Variants in KIRREL3 observed in about 807,000 individuals in gnomAD.
The protein encoded by KIRREL3 is kirre like nephrin family adhesion molecule 3, also known as kin of IRRE-like protein 3.
In KIRREL3, 36 loss-of-function variants were observed where a neutral mutation model predicts 89.7. That is an observed-to-expected ratio of 0.40 (90% CI 0.31 to 0.53). The LOEUF is 0.53. Among genes scored for constraint, KIRREL3 ranks in the 20% least tolerant of loss-of-function variants. KIRREL3 has a pLI of 0.49. For missense variants in KIRREL3, 864 were observed against 1,056.6 expected, an observed-to-expected ratio of 0.82 and a Z score of 2.53; for synonymous variants, 445 against 441.4, an observed-to-expected ratio of 1.01 and a Z score of -0.10.
intron 1 of KIRREL3, among the ~76,000 whole-genome samples, chr11:126,735,521 C>T (rs1399295847): frequency 1.3e-5 from 2 of 152,292 alleles, no homozygotes; most frequent in Admixed American, 6.5e-5. Flanking sequence ...TAAAACCTCT[C>T]ATGGGGCAGC....
At chr11:126,784,112 G>A (rs144890083) in intron 1 of KIRREL3, among the ~76,000 whole-genome samples, 3 of 152,326 alleles carry the variant, frequency 2.0e-5, no homozygotes, top group East Asian at 3.9e-4. Context: ...TCACAGCCAC[G>A]TGGAGGTTAA....
In KIRREL3 at chr11:126,475,636, C is replaced by A. The variant is rs1007559532; in HGVS notation, c.434-2170G>T. On this transcript the variant is annotated intron_variant, in intron 4 of 16. Transcript: ENST00000525144. This position sits in a 1 kb window ranked among gnomAD's most constrained non-coding sequence, Gnocchi z 7.5. ...CCTGCCTGGCCCTGGGCTCTTGAGC[C>A]GGGAGGAAGCAGGCATGAATGGGAT... 6.6e-6 allele frequency among the ~76,000 whole-genome samples: 1 copy of A among 152,096 alleles called. No individual in the cohort carries two copies. Among genetic ancestry groups the A allele is most frequent in the African/African-American group, 2.4e-5 (1 of 41,408 alleles).
rs1489182279 is a variant in KIRREL3, at chr11:126,977,698, G to A, written c.55+22757C>T. ...AAAATGAGTTAGACTTGAGCCCAGA[G>A]TGACAGAGTCCCTTATTGATTTTTC... On this transcript the variant is annotated intron_variant, in intron 1 of 16. Coordinates refer to ENST00000525144, the MANE Select transcript of KIRREL3 (RefSeq NM_032531.4). The surrounding 1 kb of genome is among the most constrained non-coding windows in gnomAD (Gnocchi z 4.7). 2.0e-5 allele frequency among the ~76,000 whole-genome samples: 3 copies of A among 152,224 alleles called. No individual in the cohort carries two copies. The highest frequency in any genetic ancestry group is 4.8e-5 in the African/African-American group (2 of 41,452).
rs538665979 is a variant in KIRREL3 at position 126,994,620 on chromosome 11, C to G, written c.55+5835G>C. On this transcript the variant is annotated intron_variant, in intron 1 of 16. Transcript: ENST00000525144. The surrounding 1 kb of genome is among the most constrained non-coding windows in gnomAD (Gnocchi z 5.2). ...TTACCAACTTCTAGAAGTATACAGCCAGAATACTCATTTTTACCACTGGGA... is the reference window on the plus strand; with the variant it reads ...TTACCAACTTCTAGAAGTATACAGCGAGAATACTCATTTTTACCACTGGGA... 6.6e-6 allele frequency among the ~76,000 whole-genome samples: 1 copy of G among 152,244 alleles called. No homozygotes were observed. Among genetic ancestry groups the G allele is most frequent in the East Asian group, 1.9e-4 (1 of 5,180 alleles).
Position 126,782,690 on chromosome 11 carries a change from T to A in KIRREL3, c.55+217765A>T, listed in dbSNP as rs1950364673. Among the ~76,000 whole-genome samples the A allele has an allele frequency of 1.3e-5, 2 of 152,184 alleles. No individual in the cohort carries two copies. Among genetic ancestry groups the A allele is most frequent in the South Asian group, 4.1e-4 (2 of 4,830 alleles). On this transcript the variant is annotated intron_variant, in intron 1 of 16. Transcript: ENST00000525144. The surrounding 1 kb of genome is among the most constrained non-coding windows in gnomAD (Gnocchi z 4.1). ...AAGGAGGGGGCTAGAATGATCCAGATCCACGTGGTAATGAATTAGTGTTGG... is the reference window on the plus strand; with the variant it reads ...AAGGAGGGGGCTAGAATGATCCAGAACCACGTGGTAATGAATTAGTGTTGG...
chr11:126,787,669 A>G (rs1025758493), intron 1 of KIRREL3, among the ~76,000 whole-genome samples: 6 of 152,200 alleles, frequency 3.9e-5, no homozygotes, highest in Non-Finnish European at 7.3e-5. Flanking sequence ...CCTCCGGAAT[A>G]TAATTGACTT....
chr11:126,937,636 C>A (rs1283043279), intron 1 of KIRREL3, among the ~76,000 whole-genome samples: 1 of 151,660 alleles, frequency 6.6e-6, no homozygotes, highest in Non-Finnish European at 1.5e-5. Flanking sequence ...CGTGGTGGCT[C>A]ATGCCTGTAA....
rs770465429 is a variant in KIRREL3, at chr11:126,424,513, G to A, written c.*67C>T. The A allele has an allele frequency of 2.0e-4, 302 of 1,499,796 alleles. No individual in the cohort carries two copies. The East Asian group carries it at 5.7e-3, about 28-fold the overall frequency. The allele number at this position is 1,499,796 out of a possible 1,614,324, so 92.9% of individuals were successfully genotyped here. ...TGGTGTCCTCTGCAAAGTACCCCTCGTCCCTGGACAACCAGAACGTGCCCT... is the reference window on the plus strand; with the variant it reads ...TGGTGTCCTCTGCAAAGTACCCCTCATCCCTGGACAACCAGAACGTGCCCT... On this transcript the variant is annotated 3_prime_UTR_variant, in exon 17 of 17. Transcript: ENST00000525144.
chr11:126,707,099 G>A (rs912675544), intron 1 of KIRREL3, among the ~76,000 whole-genome samples: 56 of 152,122 alleles, frequency 3.7e-4, no homozygotes, highest in Admixed American at 1.7e-3. Flanking sequence ...GACTACAGGT[G>A]CATGCCACCA....
In KIRREL3 at chr11:126,429,653, G is replaced by A. The variant is rs904717039; in HGVS notation, c.1697-365C>T. ...TTCTCTGACCTGCTCTACCAGGCGG[G>A]CTCCAATCCCTCCATTCATAGAACC... is the stretch of plus-strand genomic sequence containing the variant. On this transcript the variant is annotated intron_variant, in intron 14 of 16. Coordinates refer to ENST00000525144, the MANE Select transcript of KIRREL3 (RefSeq NM_032531.4). This position sits in a 1 kb window ranked among gnomAD's most constrained non-coding sequence, Gnocchi z 5.2. Among the ~76,000 whole-genome samples, 1 of 152,180 alleles carries A rather than the reference G, an allele frequency of 6.6e-6. No homozygotes were observed. Among genetic ancestry groups the A allele is most frequent in the East Asian group, 1.9e-4 (1 of 5,194 alleles).
At chr11:126,464,307 T>C (rs7941204) in intron 5 of KIRREL3, among the ~76,000 whole-genome samples, 91,555 of 140,880 alleles carry the variant, frequency 0.65, 29,993 homozygotes, top group East Asian at 0.82. Context: ...TAGGACTTGG[T>C]GACCAGCCTG....
intron 1 of KIRREL3, among the ~76,000 whole-genome samples, chr11:126,846,372 T>C (rs1292546279): frequency 6.6e-6 from 1 of 152,240 alleles, no homozygotes; most frequent in Non-Finnish European, 1.5e-5. Context: ...GATGTTTATA[T>C]ATGAAAGAGC....
intron 1 of KIRREL3, among the ~76,000 whole-genome samples, chr11:126,901,907 C>T (rs193112292): frequency 1.7e-3 from 256 of 152,330 alleles, no homozygotes; most frequent in Admixed American, 3.9e-3. Context: ...CTAGAGTTCG[C>T]AGCTAAAGTG....
intron 13 of KIRREL3, among the ~76,000 whole-genome samples, chr11:126,434,641 G>T (rs527546091): frequency 6.6e-6 from 1 of 152,338 alleles, no homozygotes; most frequent in Non-Finnish European, 1.5e-5. Context: ...CTCTTTTCTG[G>T]TTTTCTGCTC....
rs1428501492 is a variant in KIRREL3 at position 126,516,801 on chromosome 11, C to T, written c.433+4514G>A. ...AGCAGTCTGCATGTATATGTGTACA[C>T]AACTTTAAAATACAGGCGGGGTGGC... On this transcript the variant is annotated intron_variant, in intron 4 of 16. Transcript: ENST00000525144. This position sits in a 1 kb window ranked among gnomAD's most constrained non-coding sequence, Gnocchi z 4.9. Among the ~76,000 whole-genome samples, 3 of 152,186 alleles carry T rather than the reference C, an allele frequency of 2.0e-5. No individual in the cohort carries two copies. In the East Asian group the frequency reaches 5.8e-4, roughly 29 times the overall value.
intron 1 of KIRREL3, among the ~76,000 whole-genome samples, chr11:126,914,796 G>A (rs1946971680): frequency 6.6e-6 from 1 of 152,230 alleles, no homozygotes; most frequent in African/African-American, 2.4e-5. Context: ...ACACACATGA[G>A]ACCTCAATAT....
chr11:126,541,612 T>G lies in KIRREL3; in HGVS notation c.134-14925A>C, dbSNP rs1938374669. The stretch of plus-strand genomic sequence containing the variant: ...CATGAGGATCACCTGGGGGACTGGC[T>G]AAAAATAACAGTTTCCTGGGCTCCA... On this transcript the variant is annotated intron_variant, in intron 2 of 16. Transcript: ENST00000525144. The surrounding 1 kb of genome is among the most constrained non-coding windows in gnomAD (Gnocchi z 4.8). Among the ~76,000 whole-genome samples, 1 of 152,226 alleles carries G rather than the reference T, an allele frequency of 6.6e-6. No individual in the cohort carries two copies. Among genetic ancestry groups the G allele is most frequent in the Non-Finnish European group, 1.5e-5 (1 of 68,026 alleles).
chr11:126,959,033 C>G (rs1949004818), intron 1 of KIRREL3, among the ~76,000 whole-genome samples: 1 of 152,162 alleles, frequency 6.6e-6, no homozygotes, highest in African/African-American at 2.4e-5. Flanking sequence ...AAAAAAAAGA[C>G]TGACTTCTCT....
Position 126,562,774 on chromosome 11 carries a change from T to C in KIRREL3, c.133+61A>G. 7.2e-7 allele frequency: 1 copy of C among 1,394,582 alleles called. No homozygotes were observed. The highest frequency in any genetic ancestry group is 1.0e-6 in the Non-Finnish European group (1 of 980,862). 86.4% of individuals were successfully genotyped at this position (1,394,582 alleles called of 1,614,324 possible). On this transcript the variant is annotated intron_variant, in intron 2 of 16. Coordinates refer to ENST00000525144, the MANE Select transcript of KIRREL3 (RefSeq NM_032531.4). This position sits in a 1 kb window ranked among gnomAD's most constrained non-coding sequence, Gnocchi z 4.7. ...ATTCCTGGTTCCTCTGTCCTGTGGC[T>C]GTAGGGGAGAGCTTCCTCCCTCCAG...
Sources: gnomAD v4.1 joint callset for allele counts (sites outside exome capture counted in the v4.1 genomes callset) on GRCh38, gnomAD v4.1.1 for gene constraint, Gnocchi (gnomAD v3.1) non-coding constraint, MANE v1.5 for transcripts, NCBI Gene and HGNC (gene_info 2026-07-23, HGNC 2026-07-21) for gene names.